TSG101: variants seen among roughly 807,000 people sequenced by gnomAD.
TSG101 encodes tumor susceptibility gene 101 protein.
In TSG101, 19 loss-of-function variants were observed where a neutral mutation model predicts 48.5. The observed-to-expected ratio is 0.39, with a 90% confidence interval of 0.27 to 0.58. The LOEUF (loss-of-function observed/expected upper bound fraction) is 0.58. Among genes scored for constraint, TSG101 ranks in the 20% least tolerant of loss-of-function variants. The pLI is 0.55. For missense variants in TSG101, 365 were observed against 484.4 expected (o/e 0.75, Z 2.31); for synonymous variants, 174 against 169.4 (o/e 1.03, Z -0.21).
chr11:18,514,317 A>G (rs934433063), intron 4 of TSG101, among the ~76,000 whole-genome samples: 2 of 152,218 alleles, frequency 1.3e-5, no homozygotes, highest in African/African-American at 4.8e-5. Flanking sequence ...CATAAACAGA[A>G]GTTCCCTACT....
intron 4 of TSG101, among the ~76,000 whole-genome samples, chr11:18,510,812 CTCAGGAGGCTGCA>C (rs1399399222): frequency 6.6e-4 from 101 of 152,226 alleles, no homozygotes; most frequent in Non-Finnish European, 2.2e-4. Context: ...GTCACAACTA[CTCAGGAGGCTGCA>C]GCGGGAGGAT....
At chr11:18,481,177 C>T (rs1849532259) in intron 9 of TSG101, among the ~76,000 whole-genome samples, 1 of 152,186 alleles carries the variant, frequency 6.6e-6, no homozygotes, top group African/African-American at 2.4e-5. Flanking sequence ...AAGCTTGAGA[C>T]AACTTTCATA....
intron 7 of TSG101, 112 bp downstream of exon 7, chr11:18,502,374 T>C (rs1005301498): frequency 1.3e-6 from 1 of 745,902 alleles, no homozygotes. Context: ...TTATTATAGG[T>C]TTTCCTCTAA....
At chr11:18,499,733 A>C (rs922221168) in intron 7 of TSG101, among the ~76,000 whole-genome samples, 1 of 151,744 alleles carries the variant, frequency 6.6e-6, no homozygotes, top group Non-Finnish European at 1.5e-5. Flanking sequence ...TTAGATACAT[A>C]ATATTTGTAC....
At chr11:18,495,547 T>C (rs1326189147) in intron 7 of TSG101, among the ~76,000 whole-genome samples, 1 of 152,148 alleles carries the variant, frequency 6.6e-6, no homozygotes, top group Non-Finnish European at 1.5e-5. Context: ...ATACCCACTA[T>C]TTTTCAGGGA....
rs772980303 is a variant in TSG101, at chr11:18,509,582, C to T, written c.441G>A (p.Ser147=). ...TTGCCTGGTATGGCGGATAGGATGC[C>T]GAAATAGGACGAGAGAAGACTGGAG... ...DEPPVFSRPI[S]ASYPPYQATG... The change falls in exon 5 of 10, where the codon TCG becomes TCA. Residue 147 remains serine (S), a synonymous_variant. Coordinates refer to ENST00000251968, the MANE Select transcript of TSG101 (RefSeq NM_006292.4). 20 of 1,613,422 alleles carry T rather than the reference C, an allele frequency of 1.2e-5. No homozygotes were observed. Among genetic ancestry groups the T allele is most frequent in the East Asian group, 8.9e-5 (4 of 44,888 alleles).
intron 7 of TSG101, among the ~76,000 whole-genome samples, chr11:18,495,856 G>A (rs1374820856): frequency 1.3e-5 from 2 of 151,378 alleles, no homozygotes; most frequent in Non-Finnish European, 2.9e-5. Flanking sequence ...CCTGGAGGGC[G>A]GAGCTTGCAG....
intron 6 of TSG101, 77 bp from the exon 7 acceptor site, chr11:18,502,654 A>T (rs1433978785): frequency 8.6e-7 from 1 of 1,164,042 alleles, no homozygotes; most frequent in African/African-American, 1.6e-5. Context: ...CCATTCAGGA[A>T]GTTAAGCTTG....
intron 7 of TSG101, among the ~76,000 whole-genome samples, chr11:18,498,083 T>C (rs1199284761): frequency 7.6e-6 from 1 of 131,112 alleles, no homozygotes; most frequent in Non-Finnish European, 1.6e-5. Context: ...GGTGGGGGGT[T>C]GGAGGGGGGA....
At chr11:18,497,816 T>C (rs1849807538) in intron 7 of TSG101, among the ~76,000 whole-genome samples, 1 of 152,142 alleles carries the variant, frequency 6.6e-6, no homozygotes, top group Non-Finnish European at 1.5e-5. Context: ...GTTACATTAA[T>C]GACAAATACA....
intron 1 of TSG101, among the ~76,000 whole-genome samples, chr11:18,526,200 G>A (rs1195836587): frequency 6.6e-6 from 1 of 151,410 alleles, no homozygotes; most frequent in Non-Finnish European, 1.5e-5. Context: ...AAATAAATAC[G>A]CGTTATAAGA....
Position 18,526,812 on chromosome 11 carries a change from G to A in TSG101, c.5C>T (p.Ala2Val), listed in dbSNP as rs758942038. ...TTTCTTGAGCTGGCTCTCCGACACC[G>A]CCATGACGGCCGCCTGGCGACTCCC... MAVSESQLKKMV... is the reference protein window; with the variant it reads MVVSESQLKKMV... The change falls in exon 1 of 10, where the codon GCG becomes GTG. Residue 2 changes from alanine (A) to valine (V), a missense_variant. Ala to Val is a moderately conservative substitution (Grantham distance 64, BLOSUM62 0). Transcript: ENST00000251968. 6.2e-7 allele frequency: 1 copy of A among 1,602,606 alleles called. No homozygotes were observed. The highest frequency in any genetic ancestry group is 1.1e-5 in the South Asian group (1 of 90,932).
Position 18,480,641 on chromosome 11 carries a change from A to G in TSG101, c.1084-6T>C. On this transcript the variant is annotated splice_region_variant and splice_polypyrimidine_tract_variant and intron_variant, in intron 9 of 9. Transcript: ENST00000251968. ...CGGGACAGAAGACGTACATGCTGGG[A>G]GGGGAGAAAAGTTTGAATAGTTTAG... 6.2e-7 allele frequency: 1 copy of G among 1,612,804 alleles called. No homozygotes were observed. Among genetic ancestry groups the G allele is most frequent in the Non-Finnish European group, 8.5e-7 (1 of 1,179,306 alleles).
At chr11:18,523,641 T>A (rs112916947) in intron 1 of TSG101, among the ~76,000 whole-genome samples, 4,428 of 152,184 alleles carry the variant, frequency 0.029, 234 homozygotes, top group African/African-American at 0.1. Flanking sequence ...TAGCTGGGAT[T>A]ACAGGCGTGC....
rs149783061 is a variant in TSG101, at chr11:18,486,006, A to C, written c.641-1934T>G. On this transcript the variant is annotated intron_variant, in intron 7 of 9. Coordinates refer to ENST00000251968, the MANE Select transcript of TSG101 (RefSeq NM_006292.4). ...CTCAATAATGCCTTTTAACCAATCA[A>C]ATGTTGCCTTTTCCAATACTACCTA... Among the ~76,000 whole-genome samples, 212 of 152,224 alleles carry C rather than the reference A, an allele frequency of 1.4e-3. 1 individual carries two copies. The highest frequency in any genetic ancestry group is 4.6e-3 in the African/African-American group (193 of 41,534).
Position 18,480,654 on chromosome 11 carries a change from T to C in TSG101, c.1084-19A>G. 3 of 1,609,390 alleles carry C rather than the reference T, an allele frequency of 1.9e-6. No individual in the cohort carries two copies. Among genetic ancestry groups the C allele is most frequent in the Middle Eastern group, 1.7e-4 (1 of 6,054 alleles). On this transcript the variant is annotated intron_variant, in intron 9 of 9. Coordinates refer to ENST00000251968, the MANE Select transcript of TSG101 (RefSeq NM_006292.4). Reference sequence around the variant, plus strand: ...GTACATGCTGGGAGGGGAGAAAAGTTTGAATAGTTTAGAATGGCTTTGATT... The same window carrying C: ...GTACATGCTGGGAGGGGAGAAAAGTCTGAATAGTTTAGAATGGCTTTGATT...
At chr11:18,492,652 T>TCA (rs1849715488) in intron 7 of TSG101, among the ~76,000 whole-genome samples, 1 of 151,878 alleles carries the variant, frequency 6.6e-6, no homozygotes, top group East Asian at 1.9e-4. Context: ...CCTATAAAGG[T>TCA]CACAGTTCAC....
chr11:18,516,340 T>G (rs1442570936), intron 2 of TSG101, among the ~76,000 whole-genome samples, 176 bp from the exon 3 acceptor site: 1 of 151,730 alleles, frequency 6.6e-6, no homozygotes, highest in Non-Finnish European at 1.5e-5. Flanking sequence ...TCAATGTCAT[T>G]GATCAGCTCT....
Position 18,509,482 on chromosome 11 carries a change from A to T in TSG101, c.481+60T>A. ...TCATTATTTTTCTTTATTTTTTTACAAAGGTTTCTGTTCTCTTTTGTTTAT... is the reference window on the plus strand; with the variant it reads ...TCATTATTTTTCTTTATTTTTTTACTAAGGTTTCTGTTCTCTTTTGTTTAT... On this transcript the variant is annotated intron_variant, in intron 5 of 9. Coordinates refer to ENST00000251968, the MANE Select transcript of TSG101 (RefSeq NM_006292.4). 2.0e-6 allele frequency: 3 copies of T among 1,532,686 alleles called. No homozygotes were observed. The South Asian group carries it at 3.8e-5, about 19-fold the overall frequency. The allele number at this position is 1,532,686 out of a possible 1,614,324, so 94.9% of individuals were successfully genotyped here. A position where few individuals can be genotyped will look rare whatever the true frequency, so the allele number is the denominator to read the frequency against.
Sources: allele counts gnomAD v4.1 joint callset (sites outside exome capture counted in the v4.1 genomes callset), GRCh38; gene constraint gnomAD v4.1.1; transcripts MANE v1.5; gene names NCBI Gene and HGNC (gene_info 2026-07-23, HGNC 2026-07-21).